TMEM135: variants seen among roughly 807,000 people sequenced by gnomAD.
TMEM135 encodes the protein peroxisomal membrane protein 52.
Under a neutral mutation model 60.3 loss-of-function variants are expected in TMEM135, and 30 were observed. The observed-to-expected ratio is 0.50, with a 90% CI of 0.37 to 0.68. TMEM135 has a LOEUF of 0.68. TMEM135 is among the 30% of genes least tolerant of loss of function. The probability of loss-of-function intolerance (pLI) is 0.00; values close to 1 mark genes in which losing one functional copy is unlikely to be tolerated. For synonymous variants in TMEM135, 190 were observed against 186.7 expected (o/e 1.02, Z -0.14); for missense variants, 468 against 548.8 (o/e 0.85, Z 1.47).
Position 87,244,029 on chromosome 11 carries a change from A to G in TMEM135, c.509+7345A>G, listed in dbSNP as rs917182010. 4.7e-4 allele frequency among the ~76,000 whole-genome samples: 41 copies of G among 87,844 alleles called. 5 individuals carry two copies. The highest frequency in any genetic ancestry group is 1.8e-3 in the African/African-American group (41 of 22,878). 57.6% of individuals were successfully genotyped at this position (87,844 alleles called of 152,430 possible). On this transcript the variant is annotated intron_variant, in intron 6 of 14. Coordinates refer to ENST00000305494, the MANE Select transcript of TMEM135 (RefSeq NM_022918.4). The stretch of plus-strand genomic sequence containing the variant: ...TATTATTTTGAGATACGTCCCATCA[A>G]TACCTAGTTTATTGAGAGTTTTTAG...
intron 5 of TMEM135, among the ~76,000 whole-genome samples, chr11:87,179,151 A>G (rs1187509561): frequency 6.6e-6 from 1 of 151,942 alleles, no homozygotes; most frequent in Non-Finnish European, 1.5e-5. Flanking sequence ...CATAGTGCTT[A>G]TTGGGCATTT....
At position 87,274,368 on chromosome 11, in the gene TMEM135, C is replaced by A. The variant is rs865803944; in HGVS notation, c.510-21414C>A. Among the ~76,000 whole-genome samples the A allele has an allele frequency of 1.0e-3, 158 of 152,304 alleles. 2 individuals carry two copies. The highest frequency in any genetic ancestry group is 3.7e-3 in the African/African-American group (154 of 41,562). On this transcript the variant is annotated intron_variant, in intron 6 of 14. Transcript: ENST00000305494. ...CTTCACAAATGTGGCTTATAACAGT[C>A]TCTGCCCTCTTCCCTCAAATGTTTT...
rs1565175490 is a variant in TMEM135 at position 87,326,853 on chromosome 11, C to G, written c.*5520C>G. The G allele has an allele frequency of 4.4e-6, 2 of 451,388 alleles. No individual in the cohort carries two copies. The highest frequency in any genetic ancestry group is 4.7e-5 in the Admixed American group (2 of 42,198). The allele number at this position is 451,388 out of a possible 1,614,324, so 28.0% of individuals were successfully genotyped here. A position where few individuals can be genotyped will look rare whatever the true frequency, so the allele number is the denominator to read the frequency against. On this transcript the variant is annotated 3_prime_UTR_variant, in exon 15 of 15. Coordinates refer to ENST00000305494, the MANE Select transcript of TMEM135 (RefSeq NM_022918.4). Reference sequence around the variant, plus strand: ...ATAGCACTAAGGCTCTCTTCAGAACCAAAGGGCAGGATAAATAAATCTATG... The same window carrying G: ...ATAGCACTAAGGCTCTCTTCAGAACGAAAGGGCAGGATAAATAAATCTATG...
chr11:87,162,276 G>T (rs868040172), intron 5 of TMEM135, among the ~76,000 whole-genome samples: 3 of 151,806 alleles, frequency 2.0e-5, no homozygotes, highest in Admixed American at 2.0e-4. Flanking sequence ...GAACGTGCAG[G>T]TTTGTTGCAT....
intron 3 of TMEM135, among the ~76,000 whole-genome samples, chr11:87,072,707 TA>T (rs1229750838): frequency 3.3e-5 from 5 of 152,102 alleles, no homozygotes; most frequent in Non-Finnish European, 7.4e-5. Flanking sequence ...ATCTTGTATT[TA>T]AAAAAAATTT....
At chr11:87,259,124 C>A in intron 6 of TMEM135, 1 of 781,078 alleles carries the variant, frequency 1.3e-6, no homozygotes, top group Non-Finnish European at 2.2e-6. Flanking sequence ...ACATCTCCAT[C>A]AGGCCCCATA....
At chr11:87,059,870 C>G (rs1383163707) in intron 1 of TMEM135, among the ~76,000 whole-genome samples, 1 of 152,204 alleles carries the variant, frequency 6.6e-6, no homozygotes, top group African/African-American at 2.4e-5. Flanking sequence ...AATTCCAGCA[C>G]TTTGTGAGGC....
intron 6 of TMEM135, among the ~76,000 whole-genome samples, chr11:87,292,272 G>T (rs1406716914): frequency 6.6e-6 from 1 of 152,024 alleles, no homozygotes; most frequent in East Asian, 1.9e-4. Context: ...TACCATACCT[G>T]TTATCACTAT....
rs573145150 is a variant in TMEM135, at chr11:87,245,271, G to C, written c.509+8587G>C. Among the ~76,000 whole-genome samples the C allele has an allele frequency of 4.9e-4, 73 of 149,880 alleles. No homozygotes were observed. The East Asian group carries it at 0.011, about 23-fold the overall frequency. The stretch of plus-strand genomic sequence containing the variant: ...TTGCTGAGGAGAGCTTTACTTCCAC[G>C]TATGTGGTCAATTTTGGAATAGGTG... On this transcript the variant is annotated intron_variant, in intron 6 of 14. Coordinates refer to ENST00000305494, the MANE Select transcript of TMEM135 (RefSeq NM_022918.4).
At chr11:87,041,901 T>C (rs944383127) in intron 1 of TMEM135, among the ~76,000 whole-genome samples, 2 of 152,230 alleles carry the variant, frequency 1.3e-5, no homozygotes, top group Non-Finnish European at 2.9e-5. Flanking sequence ...AGGACTTCTT[T>C]ATACTTCTAG....
intron 6 of TMEM135, among the ~76,000 whole-genome samples, chr11:87,243,049 C>T (rs1453733223): frequency 7.6e-6 from 1 of 131,854 alleles, no homozygotes; most frequent in Non-Finnish European, 1.7e-5. Flanking sequence ...AGGAAGGGAT[C>T]CAGTTTCAGC....
chr11:87,312,430 A>G (rs924484302), intron 10 of TMEM135, among the ~76,000 whole-genome samples: 3 of 151,864 alleles, frequency 2.0e-5, no homozygotes, highest in Non-Finnish European at 2.9e-5. Flanking sequence ...TTTATCGTTT[A>G]TCTTTATATA....
intron 3 of TMEM135, among the ~76,000 whole-genome samples, chr11:87,076,121 TC>T (rs1436717422): frequency 6.6e-6 from 1 of 152,216 alleles, no homozygotes; most frequent in East Asian, 1.9e-4. Flanking sequence ...TGTCCTTCCC[TC>T]TGGGTGACAA....
chr11:87,064,894 A>G (rs771675978), intron 1 of TMEM135, among the ~76,000 whole-genome samples: 4 of 152,010 alleles, frequency 2.6e-5, no homozygotes, highest in African/African-American at 7.2e-5. Context: ...CAAAAAAGAA[A>G]CCCAAAAAAA....
chr11:87,322,058 A>G lies in TMEM135; in HGVS notation c.*725A>G, dbSNP rs1309597716. On this transcript the variant is annotated 3_prime_UTR_variant, in exon 15 of 15. Transcript: ENST00000305494. ...AAGTTAGGGGCAAATGGAAATGGACACATCCGATAAAGTTGAAATGTATGT... is the reference window on the plus strand; with the variant it reads ...AAGTTAGGGGCAAATGGAAATGGACGCATCCGATAAAGTTGAAATGTATGT... The G allele has an allele frequency of 1.3e-5, 6 of 454,342 alleles. No individual in the cohort carries two copies. The highest frequency in any genetic ancestry group is 9.3e-5 in the South Asian group (6 of 64,476). 28.1% of individuals were successfully genotyped at this position (454,342 alleles called of 1,614,324 possible).
chr11:87,119,295 G>T (rs1306058586), intron 4 of TMEM135, among the ~76,000 whole-genome samples: 1 of 152,172 alleles, frequency 6.6e-6, no homozygotes, highest in Non-Finnish European at 1.5e-5. Context: ...TGAGTGAGAT[G>T]GGGGAACAGT....
At chr11:87,059,885 G>C (rs1367192857) in intron 1 of TMEM135, among the ~76,000 whole-genome samples, 2 of 152,188 alleles carry the variant, frequency 1.3e-5, no homozygotes, top group African/African-American at 4.8e-5. Context: ...TGAGGCCAAA[G>C]CAGACAGATC....
intron 5 of TMEM135, among the ~76,000 whole-genome samples, chr11:87,195,370 C>T (rs1321497242): frequency 4.6e-5 from 5 of 109,306 alleles, no homozygotes; most frequent in African/African-American, 1.8e-4. Flanking sequence ...TCCTTCCTTC[C>T]TTCCTTCCTT....
At chr11:87,196,221 G>T (rs1261272154) in intron 5 of TMEM135, among the ~76,000 whole-genome samples, 2 of 152,134 alleles carry the variant, frequency 1.3e-5, no homozygotes, top group African/African-American at 2.4e-5. Context: ...GTGCTAAAAA[G>T]TGAATTGTAA....
Sources: gnomAD v4.1 joint callset for allele counts (sites outside exome capture counted in the v4.1 genomes callset) on GRCh38, gnomAD v4.1.1 for gene constraint, MANE v1.5 for transcripts, NCBI Gene and HGNC (gene_info 2026-07-23, HGNC 2026-07-21) for gene names.